The following ATRAID variants were observed in gnomAD, a reference collection of about 807,000 sequenced individuals.
ATRAID encodes all-trans retinoic acid-induced differentiation factor.
In ATRAID, 26 loss-of-function variants were observed where a neutral mutation model predicts 28.8. The ratio of observed to expected loss-of-function variants is 0.90; its 90% CI spans 0.66 to 1.25. The LOEUF (loss-of-function observed/expected upper bound fraction) is 1.25. ATRAID is among the 50% of genes most tolerant of loss of function. ATRAID has a pLI of 0.00. For missense variants in ATRAID, 308 were observed against 285.9 expected (o/e 1.08, Z -0.56); for synonymous variants, 131 against 108.5 (o/e 1.21, Z -1.29).
intron 5 of ATRAID, 90 bp from the exon 6 acceptor site, chr2:27,216,433 A>G: frequency 2.9e-6 from 3 of 1,040,582 alleles, no homozygotes; most frequent in Non-Finnish European, 4.5e-6. Context: ...CCTAGCAATG[A>G]TTGAGAGAAT....
chr2:27,215,747 G>C lies in ATRAID; in HGVS notation c.481G>C (p.Asp161His), dbSNP rs11556165. ...AAAGAACCTTTGCAATAACACTGGG[G>C]ACCCAGGTATGCTGTCTTACCTCCA... Reference protein sequence around the residue: ...GQKNLCNNTGDPEMCPENGSC... With the variant: ...GQKNLCNNTGHPEMCPENGSC... The change falls in exon 5 of 7, where the codon GAC becomes CAC. Residue 161 changes from aspartate (D) to histidine (H), a missense_variant. Physicochemically the swap from Asp to His is moderately conservative, Grantham distance 81. Transcript: ENST00000380171. 0.017 allele frequency: 26,741 copies of C among 1,614,066 alleles called. 272 individuals are homozygous for C. Among genetic ancestry groups the C allele is most frequent in the South Asian group, 0.024 (2,184 of 91,036 alleles).
In ATRAID at chr2:27,213,366, ATAT is replaced by A. The variant is rs1674688169; in HGVS notation, c.221+73_221+75del. 5 of 1,541,102 alleles carry A rather than the reference ATAT, an allele frequency of 3.2e-6. No homozygotes were observed. In the African/African-American group the frequency reaches 4.2e-5, roughly 13 times the overall value. On this transcript the variant is annotated intron_variant, in intron 2 of 6. Coordinates refer to ENST00000380171, the MANE Select transcript of ATRAID (RefSeq NM_001170795.4). ...TTAGCCTGGCTGCTTTTATACCCTT[ATAT>A]TATTTAAAGAATCCACCTATTATGG...
rs1431270061 is a variant in ATRAID at position 27,216,965 on chromosome 2, C to T, written c.*17C>T. ...ACTTCATGAACTACATAGGTCTTAC[C>T]ATTGACCTAAGATCAATCTGAACTA... On this transcript the variant is annotated 3_prime_UTR_variant, in exon 7 of 7. Transcript: ENST00000380171. 1.9e-6 allele frequency: 3 copies of T among 1,577,596 alleles called. No homozygotes were observed. Among genetic ancestry groups the T allele is most frequent in the African/African-American group, 1.4e-5 (1 of 73,946 alleles).
intron 1 of ATRAID, 84 bp downstream of exon 1, chr2:27,212,551 T>G: frequency 1.3e-6 from 2 of 1,495,248 alleles, no homozygotes; most frequent in Non-Finnish European, 1.8e-6. Flanking sequence ...CCCCTTCTCC[T>G]CGGCGGGCCT....
intron 2 of ATRAID, 108 bp downstream of exon 2, chr2:27,213,406 A>G (rs2148042444): frequency 7.2e-7 from 1 of 1,382,042 alleles, no homozygotes. Context: ...TTCAGCTGTA[A>G]TCATCACGCA....
intron 1 of ATRAID, chr2:27,212,785 G>A: frequency 1.5e-6 from 1 of 688,136 alleles, no homozygotes; most frequent in East Asian, 4.0e-5. Context: ...TATATCGTGC[G>A]GTGGTAGGGC....
intron 1 of ATRAID, chr2:27,212,738 T>C: frequency 9.6e-7 from 1 of 1,037,204 alleles, no homozygotes; most frequent in Non-Finnish European, 1.3e-6. Context: ...AGACGGGTCC[T>C]CTGCCTCTTG....
chr2:27,212,336 C>A lies in ATRAID; in HGVS notation c.-33C>A. 6.5e-7 allele frequency: 1 copy of A among 1,549,384 alleles called. No individual in the cohort carries two copies. The stretch of plus-strand genomic sequence containing the variant: ...GCGGGGCGGGGCCGCGGGGCCGGGT[C>A]GCGCGAGCAGCGGAGCACCAAGGGA... On this transcript the variant is annotated 5_prime_UTR_variant, in exon 1 of 7. Transcript: ENST00000380171.
intron 6 of ATRAID, 37 bp downstream of exon 6, chr2:27,216,657 A>G (rs1447221832): frequency 7.0e-6 from 11 of 1,562,796 alleles, no homozygotes; most frequent in Non-Finnish European, 9.7e-6. Context: ...GATACAAGGA[A>G]TGCATAGAGC....
At position 27,212,187 on chromosome 2, in the gene ATRAID, A is replaced by C. The variant is rs1208166336; in HGVS notation, c.-182A>C. 1.9e-6 allele frequency: 3 copies of C among 1,543,302 alleles called. No individual in the cohort carries two copies. The Admixed American group carries it at 6.1e-5, about 32-fold the overall frequency. ...AAGAGGGGGTCGGCCAGTATCCCCG[A>C]AAGAGGGCTAGGGCGCATGAAGACC... On this transcript the variant is annotated 5_prime_UTR_variant, in exon 1 of 7. Coordinates refer to ENST00000380171, the MANE Select transcript of ATRAID (RefSeq NM_001170795.4).
At chr2:27,213,340 C>G (rs772685383) in intron 2 of ATRAID, 42 bp downstream of exon 2, 1 of 1,591,894 alleles carries the variant, frequency 6.3e-7, no homozygotes, top group Non-Finnish European at 8.6e-7. Context: ...CAGGCCATTC[C>G]TTAGCCTGGC....
intron 2 of ATRAID, among the ~76,000 whole-genome samples, chr2:27,213,760 C>G (rs1336343351): frequency 6.6e-6 from 1 of 152,158 alleles, no homozygotes; most frequent in African/African-American, 2.4e-5. Flanking sequence ...CCGCTCAAAC[C>G]TCCATAATGG....
At chr2:27,215,007 C>T (rs1208087614) in intron 2 of ATRAID, among the ~76,000 whole-genome samples, 3 of 152,130 alleles carry the variant, frequency 2.0e-5, no homozygotes, top group African/African-American at 7.2e-5. Flanking sequence ...TCATATTGCC[C>T]AGGCTGGTCT....
chr2:27,215,372 G>A lies in ATRAID; in HGVS notation c.273G>A (p.Gln91=), dbSNP rs763792206. Residue 91 remains glutamine (Q), a synonymous_variant, in exon 3 of 7, where the codon CAG becomes CAA. Coordinates refer to ENST00000380171, the MANE Select transcript of ATRAID (RefSeq NM_001170795.4). ...SLEDPGPNFH[Q]AHTTVIIDLQ... is the part of the protein sequence containing the mutation. Reference sequence around the variant, plus strand: ...AGGACCCTGGTCCAAACTTTCATCAGGCACATACCACTGTCATCATGTAAG... The same window carrying A: ...AGGACCCTGGTCCAAACTTTCATCAAGCACATACCACTGTCATCATGTAAG... 40 of 1,614,042 alleles carry A rather than the reference G, an allele frequency of 2.5e-5. No individual in the cohort carries two copies. The South Asian group carries it at 3.5e-4, about 14-fold the overall frequency.
intron 1 of ATRAID, 62 bp downstream of exon 1, chr2:27,212,529 C>T (rs986763902): frequency 3.3e-6 from 5 of 1,505,238 alleles, no homozygotes; most frequent in African/African-American, 2.9e-5. Context: ...GCGTCGCGCT[C>T]GCCAGCGGCT....
chr2:27,212,394 T>C lies in ATRAID; in HGVS notation c.26T>C (p.Leu9Pro). The change falls in exon 1 of 7, where the codon CTT becomes CCT. Residue 9 changes from leucine to proline, a missense_variant. Leu to Pro is a moderately conservative substitution (Grantham distance 98). Transcript: ENST00000380171. Reference protein sequence around the residue: MAPHDPGSLTTLVPWAAAL... With the variant: MAPHDPGSPTTLVPWAAAL... ...ATGGCGCCTCACGACCCGGGTAGTCTTACGACCCTGGTGCCCTGGGCTGCC... is the reference window on the plus strand; with the variant it reads ...ATGGCGCCTCACGACCCGGGTAGTCCTACGACCCTGGTGCCCTGGGCTGCC... 2 of 1,551,064 alleles carry C rather than the reference T, an allele frequency of 1.3e-6. No individual in the cohort carries two copies. The highest frequency in any genetic ancestry group is 1.7e-6 in the Non-Finnish European group (2 of 1,147,234).
Position 27,213,179 on chromosome 2 carries a change from A to G in ATRAID, c.102A>G (p.Ile34Met). 3 of 1,613,514 alleles carry G rather than the reference A, an allele frequency of 1.9e-6. No homozygotes were observed. The highest frequency in any genetic ancestry group is 2.5e-6 in the Non-Finnish European group (3 of 1,179,628). Reference sequence around the variant, plus strand: ...TAATGTTTCTTTCTCTTCTGCAGATATGCACCCAATGTCCAGGGAGCGTGC... The same window carrying G: ...TAATGTTTCTTTCTCTTCTGCAGATGTGCACCCAATGTCCAGGGAGCGTGC... ...GVERALALPE[I>M]CTQCPGSVQN... is the part of the protein sequence containing the mutation. Residue 34 changes from isoleucine (I) to methionine (M), a missense_variant and splice_region_variant, in exon 2 of 7, where the codon ATA (isoleucine) becomes ATG (methionine). Ile to Met is a conservative substitution (Grantham distance 10, BLOSUM62 1). Coordinates refer to ENST00000380171, the MANE Select transcript of ATRAID (RefSeq NM_001170795.4).
chr2:27,213,854 A>G (rs557050203), intron 2 of ATRAID, among the ~76,000 whole-genome samples: 8 of 152,160 alleles, frequency 5.3e-5, no homozygotes, highest in Admixed American at 1.3e-4. Context: ...GCCTTCCTCT[A>G]CCAAATTAGG....
rs1352481266 is a variant in ATRAID, at chr2:27,212,279, G to A, written c.-90G>A. On this transcript the variant is annotated 5_prime_UTR_variant, in exon 1 of 7. Transcript: ENST00000380171. The stretch of plus-strand genomic sequence containing the variant: ...CAGGGCGACTGGACCGGGCCGCTTA[G>A]GCCACGCCCGGGGAAGAGGGCCTGA... The A allele has an allele frequency of 6.4e-7, 1 of 1,554,214 alleles. No homozygotes were observed. Among genetic ancestry groups the A allele is most frequent in the Admixed American group, 2.0e-5 (1 of 50,926 alleles).
Sources: allele counts gnomAD v4.1 joint callset (sites outside exome capture counted in the v4.1 genomes callset), GRCh38; gene constraint gnomAD v4.1.1; transcripts MANE v1.5; gene names NCBI Gene and HGNC (gene_info 2026-07-23, HGNC 2026-07-21).